DCLK2: variants seen among roughly 807,000 people sequenced by gnomAD.
The protein encoded by DCLK2 is serine/threonine-protein kinase DCLK2.
A neutral mutation model predicts 78.4 loss-of-function variants in DCLK2; 31 were observed. The observed-to-expected ratio is 0.40, with a 90% CI of 0.30 to 0.53. The LOEUF (loss-of-function observed/expected upper bound fraction) is 0.53, where lower values mean the gene tolerates loss of function less well. Among genes scored for constraint, DCLK2 ranks in the 20% least tolerant of loss-of-function variants. The pLI is 0.61. For missense variants in DCLK2, 872 were observed against 973.7 expected, an observed-to-expected ratio of 0.90 and a Z score of 1.39; for synonymous variants, 407 against 374.9, an observed-to-expected ratio of 1.09 and a Z score of -0.99.
rs1352292171 is a variant in DCLK2, at chr4:150,257,423, TC to T, written c.*1179del. ...GTGTCCCCAACCTGCAATAAACTTT[TC>T]CCTCTTGAAAAAAAGTAATCAGGGA... On this transcript the variant is annotated 3_prime_UTR_variant, in exon 16 of 16. Transcript: ENST00000296550. 1 of 152,632 alleles carries T rather than the reference TC, an allele frequency of 6.6e-6. No individual in the cohort carries two copies. Among genetic ancestry groups the T allele is most frequent in the East Asian group, 1.9e-4 (1 of 5,206 alleles). The allele number at this position is 152,632 out of a possible 1,614,324, so 9.5% of individuals were successfully genotyped here.
At chr4:150,120,578 G>A (rs945414685) in intron 2 of DCLK2, among the ~76,000 whole-genome samples, 1 of 152,130 alleles carries the variant, frequency 6.6e-6, no homozygotes, top group Non-Finnish European at 1.5e-5. Context: ...CAAAGATATG[G>A]CAGGTTTGGT....
At chr4:150,163,148 A>G (rs929138017) in intron 2 of DCLK2, among the ~76,000 whole-genome samples, 3 of 152,144 alleles carry the variant, frequency 2.0e-5, no homozygotes, top group African/African-American at 7.2e-5. Context: ...CTGTAATTCC[A>G]GCACTTTGGG....
chr4:150,192,611 A>T (rs1377438080), intron 2 of DCLK2, among the ~76,000 whole-genome samples: 1 of 152,080 alleles, frequency 6.6e-6, no homozygotes, highest in Non-Finnish European at 1.5e-5. Context: ...GGTGGTAGGG[A>T]TGATGGGGGT....
In DCLK2 at chr4:150,102,831, C is replaced by T; in HGVS notation, c.756+19C>T. 1 of 1,572,398 alleles carries T rather than the reference C, an allele frequency of 6.4e-7. No individual in the cohort carries two copies. Among genetic ancestry groups the T allele is most frequent in the Non-Finnish European group, 8.6e-7 (1 of 1,162,776 alleles). On this transcript the variant is annotated intron_variant, in intron 2 of 15. Coordinates refer to ENST00000296550, the MANE Select transcript of DCLK2 (RefSeq NM_001040260.4). ...AAAGCAGGTAAGATGCTTCTAGCTC[C>T]CAGCTCTCCATCTGACTTTTAAACT...
chr4:150,107,913 G>A (rs548653562), intron 2 of DCLK2, among the ~76,000 whole-genome samples: 1 of 152,108 alleles, frequency 6.6e-6, no homozygotes, highest in Non-Finnish European at 1.5e-5. Flanking sequence ...CGAGGCTGCA[G>A]TGAGCTATGA....
rs1580548411 is a variant in DCLK2, at chr4:150,125,324, A to G, written c.756+22512A>G. Among the ~76,000 whole-genome samples, 3 of 152,150 alleles carry G rather than the reference A, an allele frequency of 2.0e-5. No homozygotes were observed. In the South Asian group the frequency reaches 6.2e-4, roughly 32 times the overall value. On this transcript the variant is annotated intron_variant, in intron 2 of 15. Transcript: ENST00000296550. The stretch of plus-strand genomic sequence containing the variant: ...GTTTTACCACTCTATAATTATTCCT[A>G]TTTTCCAGAATATGTTATGTAGTAT...
intron 2 of DCLK2, among the ~76,000 whole-genome samples, chr4:150,175,219 C>A (rs9884658): frequency 0.16 from 15,728 of 96,580 alleles, 1,999 homozygotes; most frequent in African/African-American, 0.21. Flanking sequence ...ATATATTTAT[C>A]TATATATATT....
At chr4:150,232,618 T>A in intron 9 of DCLK2, 64 bp from the exon 10 acceptor site, 1 of 1,567,264 alleles carries the variant, frequency 6.4e-7, no homozygotes, top group Non-Finnish European at 8.7e-7. Flanking sequence ...CAATGAGCCA[T>A]CTTTCTTACC....
At chr4:150,160,553 A>G (rs1735633495) in intron 2 of DCLK2, among the ~76,000 whole-genome samples, 1 of 152,256 alleles carries the variant, frequency 6.6e-6, no homozygotes, top group South Asian at 2.1e-4. Flanking sequence ...TCAAGCTTCT[A>G]CAAGGTTATT....
intron 2 of DCLK2, among the ~76,000 whole-genome samples, chr4:150,119,962 A>C (rs1236794516): frequency 6.6e-6 from 1 of 152,162 alleles, no homozygotes; most frequent in Non-Finnish European, 1.5e-5. Context: ...TTGAAAAGTT[A>C]ATTAATGTTT....
At chr4:150,217,699 TTGTC>T (rs1740828750) in intron 5 of DCLK2, among the ~76,000 whole-genome samples, 3 of 152,206 alleles carry the variant, frequency 2.0e-5, no homozygotes, top group South Asian at 4.1e-4. Flanking sequence ...AGAAAGAAAA[TTGTC>T]TGTGTCTAAT....
rs144639676 is a variant in DCLK2, at chr4:150,132,985, G to A, written c.756+30173G>A. ...TGTTTTATGTGTGCTTCTGTTTAAAGCCACCATAGTTAATGTATACTGATG... is the reference window on the plus strand; with the variant it reads ...TGTTTTATGTGTGCTTCTGTTTAAAACCACCATAGTTAATGTATACTGATG... On this transcript the variant is annotated intron_variant, in intron 2 of 15. Transcript: ENST00000296550. 6.2e-3 allele frequency among the ~76,000 whole-genome samples: 937 copies of A among 152,280 alleles called. 4 individuals carry two copies. Among genetic ancestry groups the A allele is most frequent in the Non-Finnish European group, 0.01 (697 of 68,026 alleles).
chr4:150,146,227 T>C (rs1331525813), intron 2 of DCLK2, among the ~76,000 whole-genome samples: 1 of 152,254 alleles, frequency 6.6e-6, no homozygotes, highest in African/African-American at 2.4e-5. Context: ...GCATGTGTTT[T>C]AGAGCTTTAC....
chr4:150,227,937 C>A (rs1203630555), intron 8 of DCLK2, among the ~76,000 whole-genome samples: 1 of 152,216 alleles, frequency 6.6e-6, no homozygotes, highest in South Asian at 2.1e-4. Context: ...AAATTACTCT[C>A]TTCACAGTTC....
chr4:150,080,314 C>T (rs1490403700), intron 1 of DCLK2, among the ~76,000 whole-genome samples: 1 of 152,178 alleles, frequency 6.6e-6, no homozygotes, highest in African/African-American at 2.4e-5. Flanking sequence ...GCTGTGTCAA[C>T]CATGCCTCGG....
chr4:150,173,587 T>G (rs1254303445), intron 2 of DCLK2, among the ~76,000 whole-genome samples: 1 of 152,180 alleles, frequency 6.6e-6, no homozygotes, highest in Non-Finnish European at 1.5e-5. Context: ...AAGGATGTGT[T>G]TTTTCTAGAA....
intron 2 of DCLK2, among the ~76,000 whole-genome samples, chr4:150,145,327 T>C (rs1734393542): frequency 6.6e-6 from 1 of 152,214 alleles, no homozygotes; most frequent in African/African-American, 2.4e-5. Context: ...GAGCAAACTA[T>C]GGAGTTGCAG....
chr4:150,105,240 G>A (rs568804700), intron 2 of DCLK2, among the ~76,000 whole-genome samples: 1 of 152,186 alleles, frequency 6.6e-6, no homozygotes, highest in South Asian at 2.1e-4. Flanking sequence ...AAGGTTGAAT[G>A]GACAACATAA....
chr4:150,173,202 T>C (rs1450666830), intron 2 of DCLK2, among the ~76,000 whole-genome samples: 1 of 152,138 alleles, frequency 6.6e-6, no homozygotes, highest in Non-Finnish European at 1.5e-5. Flanking sequence ...GAGATGGATC[T>C]GGGCTATGGT....
Sources: gnomAD v4.1 joint callset for allele counts (sites outside exome capture counted in the v4.1 genomes callset) on GRCh38, gnomAD v4.1.1 for gene constraint, MANE v1.5 for transcripts, NCBI Gene and HGNC (gene_info 2026-07-23, HGNC 2026-07-21) for gene names.